FAM178B: variants seen among roughly 807,000 people sequenced by gnomAD.
FAM178B encodes the protein family with sequence similarity 178 member B, also known as protein FAM178B.
FAM178B carries 82 observed loss-of-function variants against 91.7 expected under a neutral mutation model. The ratio of observed to expected loss-of-function variants is 0.89; its 90% CI spans 0.75 to 1.07. The LOEUF (loss-of-function observed/expected upper bound fraction) is 1.07. Among genes scored for constraint, FAM178B ranks in the 50% least tolerant of loss-of-function variants. The pLI, the probability that FAM178B is intolerant of heterozygous loss-of-function variation, is 0.00. For missense variants in FAM178B, 769 were observed against 846.7 expected (o/e 0.91, Z 1.14); for synonymous variants, 368 against 359.4 (o/e 1.02, Z -0.27).
intron 6 of FAM178B, among the ~76,000 whole-genome samples, chr2:96,958,697 TAAAAAAAAAAAAAAAA>T (rs55924441): frequency 2.7e-4 from 15 of 55,498 alleles, no homozygotes; most frequent in South Asian, 1.7e-3. Flanking sequence ...CTCAAAATAC[TAAAAAAAAAAAAAAAA>T]AAAAAAAAAA....
intron 8 of FAM178B, chr2:96,939,176 C>G (rs1192950053): frequency 6.6e-6 from 1 of 151,914 alleles, no homozygotes; most frequent in Admixed American, 6.6e-5. Context: ...GCGCTCCAGC[C>G]TGGGCAACAG....
intron 12 of FAM178B, among the ~76,000 whole-genome samples, chr2:96,906,913 CCTGCGCGGGAGCTCGTTTA>C (rs2081067217): frequency 6.6e-6 from 1 of 152,206 alleles, no homozygotes; most frequent in Non-Finnish European, 1.5e-5. Context: ...AAACTTGAGG[CCTGCGCGGGAGCTCGTTTA>C]CTCGTTTACT....
chr2:96,883,067 G>A (rs1048299878), intron 14 of FAM178B, among the ~76,000 whole-genome samples: 3 of 152,310 alleles, frequency 2.0e-5, no homozygotes, highest in African/African-American at 7.2e-5. Context: ...CTCACTCCTG[G>A]CTCTACAGCC....
At chr2:96,929,133 T>C in intron 9 of FAM178B, 73 bp downstream of exon 9, 1 of 1,095,226 alleles carries the variant, frequency 9.1e-7, no homozygotes, top group Admixed American at 2.0e-5. Context: ...ATTCCAGTTC[T>C]GAGTGACAGA....
chr2:96,889,976 T>TTA (rs1553493782), intron 14 of FAM178B, among the ~76,000 whole-genome samples: 4 of 141,402 alleles, frequency 2.8e-5, no homozygotes, highest in African/African-American at 5.2e-5. Flanking sequence ...CCATCTTTAT[T>TTA]AAAAAAAAAA....
chr2:96,985,673 C>T (rs769034492), intron 1 of FAM178B, among the ~76,000 whole-genome samples: 1 of 152,200 alleles, frequency 6.6e-6, no homozygotes, highest in Non-Finnish European at 1.5e-5. Context: ...TCTGCGAATA[C>T]TGCTTTTTCA....
intron 6 of FAM178B, among the ~76,000 whole-genome samples, chr2:96,953,153 C>T (rs1397576686): frequency 1.3e-5 from 2 of 152,264 alleles, no homozygotes; most frequent in East Asian, 1.9e-4. Flanking sequence ...TGAAATAGAC[C>T]TTCGTTTGTA....
In FAM178B at chr2:96,942,478, C is replaced by T. The variant is rs569061231; in HGVS notation, c.1078+5340G>A. Among the ~76,000 whole-genome samples the T allele has an allele frequency of 1.4e-4, 21 of 152,272 alleles. No individual in the cohort carries two copies. The East Asian group carries it at 2.7e-3, about 20-fold the overall frequency. On this transcript the variant is annotated intron_variant, in intron 8 of 16. Coordinates refer to ENST00000490605, the MANE Select transcript of FAM178B (RefSeq NM_001122646.3). ...TGCGATCTCGGCTCACTGCAACCTC[C>T]GCCTCCTAGGTTCACGCCATTCTCC...
chr2:96,985,578 G>A (rs1205287949), intron 1 of FAM178B, among the ~76,000 whole-genome samples: 4 of 152,192 alleles, frequency 2.6e-5, no homozygotes, highest in Non-Finnish European at 5.9e-5. Flanking sequence ...GTAGCATGAG[G>A]CCAAATAATT....
chr2:96,898,693 C>T (rs555523163), intron 13 of FAM178B, among the ~76,000 whole-genome samples: 61 of 152,264 alleles, frequency 4.0e-4, no homozygotes, highest in South Asian at 1.5e-3. Flanking sequence ...TGTTGGGTGA[C>T]CCTGGAAAGT....
chr2:96,971,293 CACCT>C (rs1242939049), intron 3 of FAM178B, among the ~76,000 whole-genome samples: 2 of 144,064 alleles, frequency 1.4e-5, no homozygotes, highest in Non-Finnish European at 3.1e-5. Flanking sequence ...CCCTCTCTCC[CACCT>C]CCCTCTCTCT....
intron 14 of FAM178B, among the ~76,000 whole-genome samples, chr2:96,890,720 G>A (rs2080656980): frequency 6.6e-6 from 1 of 152,148 alleles, no homozygotes; most frequent in South Asian, 2.1e-4. Flanking sequence ...GCCTGGGAAG[G>A]CAACTGGGGC....
chr2:96,906,367 G>A (rs1013301809), intron 12 of FAM178B, among the ~76,000 whole-genome samples: 3 of 151,784 alleles, frequency 2.0e-5, no homozygotes, highest in Non-Finnish European at 2.9e-5. Context: ...AAGCCCGACC[G>A]AAAATAATTT....
chr2:96,973,962 C>T (rs1433143739), intron 1 of FAM178B, among the ~76,000 whole-genome samples: 2 of 151,826 alleles, frequency 1.3e-5, no homozygotes, highest in Non-Finnish European at 2.9e-5. Context: ...AAGATTGCAC[C>T]ACTGCACTCC....
chr2:96,966,916 A>G (rs759748763), intron 5 of FAM178B, among the ~76,000 whole-genome samples: 8 of 152,158 alleles, frequency 5.3e-5, no homozygotes, highest in East Asian at 1.9e-4. Context: ...TCCAGCCTCC[A>G]TAACTGTGGG....
intron 1 of FAM178B, among the ~76,000 whole-genome samples, chr2:96,982,249 G>A (rs1198468593): frequency 2.6e-5 from 4 of 151,574 alleles, no homozygotes; most frequent in Admixed American, 6.6e-5. Flanking sequence ...TATAGTATAT[G>A]TACATACTTT....
intron 14 of FAM178B, among the ~76,000 whole-genome samples, chr2:96,879,139 A>T (rs1321992360): frequency 6.6e-6 from 1 of 151,998 alleles, no homozygotes; most frequent in Non-Finnish European, 1.5e-5. Flanking sequence ...GTTTAGAGAA[A>T]CCGAGCCATG....
chr2:96,877,708 T>A (rs781056127), intron 16 of FAM178B, 182 bp downstream of exon 16: 107 of 624,964 alleles, frequency 1.7e-4, no homozygotes, highest in Admixed American at 3.2e-4. Context: ...GGCACTGGAT[T>A]CTTGATAAGA....
rs2082207650 is a variant in FAM178B at position 96,970,824 on chromosome 2, A to G, written c.565-47T>C. The G allele has an allele frequency of 3.0e-6, 4 of 1,343,824 alleles. No individual in the cohort carries two copies. In the Admixed American group the frequency reaches 8.4e-5, roughly 28 times the overall value. The allele number at this position is 1,343,824 out of a possible 1,614,324, so 83.2% of individuals were successfully genotyped here. ...ATGAGGACGACAGAGAAGTACAAAG[A>G]TAGAGGAGAAAAAAGAAAAAAAACT... is the stretch of plus-strand genomic sequence containing the variant. On this transcript the variant is annotated intron_variant, in intron 3 of 16. Transcript: ENST00000490605.
Sources: gnomAD v4.1 joint callset for allele counts (sites outside exome capture counted in the v4.1 genomes callset) on GRCh38, gnomAD v4.1.1 for gene constraint, MANE v1.5 for transcripts, NCBI Gene and HGNC (gene_info 2026-07-23, HGNC 2026-07-21) for gene names.